Variants in XKR6 observed in about 807,000 individuals in gnomAD.
XKR6 encodes XK-related protein 6.
A neutral mutation model predicts 56.7 loss-of-function variants in XKR6; 22 were observed. The observed-to-expected ratio is 0.39, with a 90% CI of 0.28 to 0.55. The LOEUF (loss-of-function observed/expected upper bound fraction) is 0.55, where lower values mean the gene tolerates loss of function less well. XKR6 is among the 20% of genes least tolerant of loss of function. The pLI is 0.66. For synonymous variants in XKR6, 524 were observed against 387.8 expected (o/e 1.35, Z -4.13); for missense variants, 852 against 889.0 (o/e 0.96, Z 0.53).
intron 1 of XKR6, among the ~76,000 whole-genome samples, chr8:11,154,324 A>C (rs1801403773): frequency 6.6e-6 from 1 of 152,098 alleles, no homozygotes; most frequent in Non-Finnish European, 1.5e-5. Flanking sequence ...AAAAATCAGA[A>C]GAGATTCCTT....
At chr8:10,905,019 G>C (rs1268228682) in intron 2 of XKR6, among the ~76,000 whole-genome samples, 2 of 152,180 alleles carry the variant, frequency 1.3e-5, no homozygotes, top group Non-Finnish European at 2.9e-5. Context: ...GCTGTGTGCA[G>C]CTCCCCAGAT....
At chr8:10,920,904 C>T (rs1266475655) in intron 2 of XKR6, among the ~76,000 whole-genome samples, 2 of 152,276 alleles carry the variant, frequency 1.3e-5, no homozygotes, top group African/African-American at 2.4e-5. Flanking sequence ...ACCCATTCCA[C>T]ATCCCAAACA....
chr8:10,975,594 C>T (rs759711237), intron 1 of XKR6, among the ~76,000 whole-genome samples: 2 of 152,164 alleles, frequency 1.3e-5, no homozygotes, highest in Non-Finnish European at 2.9e-5. Context: ...TGTGGTCTCG[C>T]GGATTTGTGT....
At chr8:10,989,133 T>C (rs764399378) in intron 1 of XKR6, among the ~76,000 whole-genome samples, 8 of 152,198 alleles carry the variant, frequency 5.3e-5, no homozygotes, top group Non-Finnish European at 8.8e-5. Flanking sequence ...ATGAGCTCTG[T>C]GGAGGTTATA....
chr8:11,185,737 T>C (rs771329754), intron 1 of XKR6, among the ~76,000 whole-genome samples: 10 of 152,202 alleles, frequency 6.6e-5, no homozygotes, highest in Non-Finnish European at 1.3e-4. Context: ...CTGATGAGTC[T>C]TGGGCACATG....
intron 1 of XKR6, among the ~76,000 whole-genome samples, chr8:11,047,070 C>G (rs2129158211): frequency 6.6e-6 from 1 of 152,198 alleles, no homozygotes; most frequent in Admixed American, 6.5e-5. Context: ...TTCTGGAGCT[C>G]TAACGCACAG....
At chr8:11,121,237 A>G (rs1422479858) in intron 1 of XKR6, among the ~76,000 whole-genome samples, 6 of 152,234 alleles carry the variant, frequency 3.9e-5, no homozygotes, top group Admixed American at 2.0e-4. Flanking sequence ...AACTACCATC[A>G]GAGTGAACAG....
chr8:11,180,626 A>C (rs1185353381), intron 1 of XKR6, among the ~76,000 whole-genome samples: 1 of 152,188 alleles, frequency 6.6e-6, no homozygotes, highest in Non-Finnish European at 1.5e-5. Flanking sequence ...TCATGACTGG[A>C]CGGCACAGTG....
chr8:11,128,842 C>A lies in XKR6; in HGVS notation c.764+71734G>T, dbSNP rs556225422. On this transcript the variant is annotated intron_variant, in intron 1 of 2. Transcript: ENST00000416569. Reference sequence around the variant, plus strand: ...ATCCAGAATCTGATCACCTTACCACCTCCACTGTCACCATCTTCAGCCAAG... The same window carrying A: ...ATCCAGAATCTGATCACCTTACCACATCCACTGTCACCATCTTCAGCCAAG... 3.8e-4 allele frequency: 173 copies of A among 456,894 alleles called. 1 individual carries two copies. Among genetic ancestry groups the A allele is most frequent in the South Asian group, 2.2e-3 (140 of 64,558 alleles). The allele number at this position is 456,894 out of a possible 1,614,324, so 28.3% of individuals were successfully genotyped here.
chr8:11,011,642 A>G (rs758775759), intron 1 of XKR6, among the ~76,000 whole-genome samples: 18 of 152,230 alleles, frequency 1.2e-4, no homozygotes, highest in Non-Finnish European at 1.9e-4. Context: ...AGAGATGGCA[A>G]TAAGTGTTGC....
At chr8:11,137,425 T>A (rs1800460512) in intron 1 of XKR6, 1 of 363,506 alleles carries the variant, frequency 2.8e-6, no homozygotes, top group Non-Finnish European at 5.4e-6. Flanking sequence ...GAGAAGAAAT[T>A]CTCCCTCAAA....
intron 1 of XKR6, among the ~76,000 whole-genome samples, chr8:10,997,157 T>TTTAAGGGAGAAGAAAA (rs1798132134): frequency 6.6e-6 from 1 of 152,094 alleles, no homozygotes; most frequent in African/African-American, 2.4e-5. Flanking sequence ...CTTCGTAGCT[T>TTTAAGGGAGAAGAAAA]TTATGTATGC....
chr8:11,036,534 C>G (rs914427467), intron 1 of XKR6, among the ~76,000 whole-genome samples: 1 of 152,208 alleles, frequency 6.6e-6, no homozygotes, highest in African/African-American at 2.4e-5. Context: ...ATCAGCATCT[C>G]TGGGTGGGGT....
At chr8:10,936,242 C>A (rs1404494932) in intron 1 of XKR6, among the ~76,000 whole-genome samples, 1 of 150,288 alleles carries the variant, frequency 6.7e-6, no homozygotes, top group African/African-American at 2.4e-5. Flanking sequence ...TTTTTGTTTT[C>A]CATTTGCTTG....
intron 1 of XKR6, among the ~76,000 whole-genome samples, chr8:10,994,674 T>C (rs1396091652): frequency 6.6e-6 from 1 of 152,252 alleles, no homozygotes; most frequent in African/African-American, 2.4e-5. Flanking sequence ...TCCACTTATC[T>C]GCTTCTTACT....
At chr8:11,176,750 C>CTT (rs1802676931) in intron 1 of XKR6, among the ~76,000 whole-genome samples, 1 of 151,966 alleles carries the variant, frequency 6.6e-6, no homozygotes, top group African/African-American at 2.4e-5. Context: ...GCAGTATCTT[C>CTT]CTCAAAGAAA....
chr8:10,918,013 G>A (rs1199952291), intron 2 of XKR6, among the ~76,000 whole-genome samples: 1 of 152,138 alleles, frequency 6.6e-6, no homozygotes, highest in Non-Finnish European at 1.5e-5. Context: ...CAAGGTTTTG[G>A]GGCCAAAATG....
At chr8:11,106,956 AG>A (rs1211022291) in intron 1 of XKR6, among the ~76,000 whole-genome samples, 1 of 152,124 alleles carries the variant, frequency 6.6e-6, no homozygotes, top group Non-Finnish European at 1.5e-5. Flanking sequence ...CCCCACAAGA[AG>A]CTACAGGAAG....
At chr8:11,014,280 G>C (rs542912258) in intron 1 of XKR6, among the ~76,000 whole-genome samples, 4 of 152,206 alleles carry the variant, frequency 2.6e-5, no homozygotes, top group Admixed American at 2.6e-4. Flanking sequence ...GAGTGTAGCG[G>C]CCCTTAGCGC....
Sources: allele counts gnomAD v4.1 joint callset (sites outside exome capture counted in the v4.1 genomes callset), GRCh38; gene constraint gnomAD v4.1.1; transcripts MANE v1.5; gene names NCBI Gene and HGNC (gene_info 2026-07-23, HGNC 2026-07-21).